TRPM6: variants seen among roughly 807,000 people sequenced by gnomAD.
TRPM6 encodes the protein channel kinase 2.
Under a neutral mutation model 247.6 loss-of-function variants are expected in TRPM6, and 111 were observed. That is an observed-to-expected ratio of 0.45 (90% CI 0.38 to 0.52). The LOEUF (loss-of-function observed/expected upper bound fraction) is 0.52, where lower values mean the gene tolerates loss of function less well. Among genes scored for constraint, TRPM6 ranks in the 20% least tolerant of loss-of-function variants. The pLI is 0.00. For missense variants in TRPM6, 2,126 were observed against 2,421.5 expected, an observed-to-expected ratio of 0.88 and a Z score of 2.56; for synonymous variants, 892 against 853.8, an observed-to-expected ratio of 1.04 and a Z score of -0.78.
intron 7 of TRPM6, among the ~76,000 whole-genome samples, chr9:74,825,072 C>CA (rs1442774868): frequency 6.6e-6 from 1 of 152,058 alleles, no homozygotes; most frequent in East Asian, 1.9e-4. Context: ...CCAGCCTGGC[C>CA]AACATGGTAA....
At position 74,776,096 on chromosome 9, in the gene TRPM6, A is replaced by G. The variant is rs770755729; in HGVS notation, c.3210-20T>C. ...ACGTTGCTGTAAGATGAAGTAAGAG[A>G]GGGACAATGTTTTAATATGAAGTCT... is the stretch of plus-strand genomic sequence containing the variant. On this transcript the variant is annotated intron_variant, in intron 23 of 38. Transcript: ENST00000360774. 3.0e-5 allele frequency: 48 copies of G among 1,596,130 alleles called. No individual in the cohort carries two copies. Among genetic ancestry groups the G allele is most frequent in the Non-Finnish European group, 3.9e-5 (45 of 1,163,932 alleles).
intron 37 of TRPM6, among the ~76,000 whole-genome samples, chr9:74,731,596 G>C (rs990858444): frequency 6.6e-6 from 1 of 151,336 alleles, no homozygotes; most frequent in Non-Finnish European, 1.5e-5. Flanking sequence ...AAATCACTCA[G>C]TAAAATAACA....
At chr9:74,852,789 A>G (rs1369620107) in intron 3 of TRPM6, among the ~76,000 whole-genome samples, 2 of 152,148 alleles carry the variant, frequency 1.3e-5, no homozygotes, top group Non-Finnish European at 2.9e-5. Flanking sequence ...TCGCTCACTC[A>G]GTGCTCAATG....
chr9:74,832,047 T>C (rs1829566043), intron 6 of TRPM6, among the ~76,000 whole-genome samples: 1 of 152,172 alleles, frequency 6.6e-6, no homozygotes, highest in African/African-American at 2.4e-5. Flanking sequence ...GAGACCCCCA[T>C]ATATTACAAG....
At position 74,762,005 on chromosome 9, in the gene TRPM6, T is replaced by C. The variant is rs1049300106; in HGVS notation, c.4666A>G (p.Ile1556Val). ...KEEKLMKICK[I>V]KNLSGSSEIG... ...TTAAATGTTTATTCCTTACTTTTAATCTTACAGATCTTCATCAATTTCTCC... is the reference window on the plus strand; with the variant it reads ...TTAAATGTTTATTCCTTACTTTTAACCTTACAGATCTTCATCAATTTCTCC... The change falls in exon 26 of 39, where the codon ATT (isoleucine) becomes GTT (valine). Residue 1556 changes from isoleucine (I) to valine (V), a missense_variant. By Grantham distance (29) the Ile-to-Val change is conservative. Coordinates refer to ENST00000360774, the MANE Select transcript of TRPM6 (RefSeq NM_017662.5). The C allele has an allele frequency of 6.2e-7, 1 of 1,613,878 alleles. No homozygotes were observed. Among genetic ancestry groups the C allele is most frequent in the African/African-American group, 1.3e-5 (1 of 75,054 alleles).
At chr9:74,796,662 ATAAG>A (rs1459218541) in intron 18 of TRPM6, 75 bp downstream of exon 18, 12 of 1,458,314 alleles carry the variant, frequency 8.2e-6, no homozygotes, top group Non-Finnish European at 1.1e-5. Context: ...AGATGGCTAT[ATAAG>A]TAAACTTTAA....
intron 38 of TRPM6, 75 bp downstream of exon 38, chr9:74,728,164 A>G (rs1825396028): frequency 1.8e-6 from 2 of 1,138,520 alleles, no homozygotes; most frequent in African/African-American, 1.5e-5. Context: ...ACGATTTTCT[A>G]CTTTATCCCA....
chr9:74,774,072 C>T (rs1191390619), intron 24 of TRPM6, among the ~76,000 whole-genome samples: 5 of 152,140 alleles, frequency 3.3e-5, no homozygotes, highest in Admixed American at 6.5e-5. Flanking sequence ...TGTAATTGTC[C>T]GCAAGGTGGC....
chr9:74,855,516 C>G lies in TRPM6; in HGVS notation c.152+11G>C. The G allele has an allele frequency of 6.3e-7, 1 of 1,597,808 alleles. No individual in the cohort carries two copies. Among genetic ancestry groups the G allele is most frequent in the Non-Finnish European group, 8.6e-7 (1 of 1,165,390 alleles). ...AAAAGCTAAAAGGAATCTTGCTTAT[C>G]TAAGTCTTACCTGATTAAATTCTGG... On this transcript the variant is annotated intron_variant, in intron 3 of 38. Transcript: ENST00000360774.
At chr9:74,818,986 G>C (rs1829050283) in intron 9 of TRPM6, among the ~76,000 whole-genome samples, 1 of 152,026 alleles carries the variant, frequency 6.6e-6, no homozygotes, top group Admixed American at 6.6e-5. Context: ...GTAATTGTCA[G>C]CTTCATATCA....
intron 1 of TRPM6, among the ~76,000 whole-genome samples, chr9:74,884,517 A>ATACC (rs1468060405): frequency 6.6e-6 from 1 of 151,794 alleles, no homozygotes; most frequent in Non-Finnish European, 1.5e-5. Context: ...ACATACATAC[A>ATACC]TACATACATA....
chr9:74,781,529 T>A, intron 23 of TRPM6, among the ~76,000 whole-genome samples: 1 of 71,944 alleles, frequency 1.4e-5, no homozygotes, highest in East Asian at 3.4e-4. Context: ...AGAGCAAGAC[T>A]CTATCTCAAA....
At chr9:74,864,001 T>C (rs1204226846) in intron 1 of TRPM6, among the ~76,000 whole-genome samples, 3 of 152,114 alleles carry the variant, frequency 2.0e-5, no homozygotes, top group Admixed American at 6.6e-5. Context: ...AAAAAAAATC[T>C]ATCATCTAAC....
At chr9:74,881,054 G>C (rs1831346891) in intron 1 of TRPM6, among the ~76,000 whole-genome samples, 1 of 152,066 alleles carries the variant, frequency 6.6e-6, no homozygotes, top group African/African-American at 2.4e-5. Flanking sequence ...TAGCACTTTG[G>C]GAGGCCCAAA....
At chr9:74,834,203 A>C in intron 5 of TRPM6, 81 bp from the exon 6 acceptor site, 4 of 1,545,752 alleles carry the variant, frequency 2.6e-6, no homozygotes, top group Non-Finnish European at 3.6e-6. Flanking sequence ...AGACAAATAA[A>C]TAGGCAAGCA....
intron 27 of TRPM6, among the ~76,000 whole-genome samples, chr9:74,759,012 G>A (rs1021342305): frequency 6.6e-6 from 1 of 152,080 alleles, no homozygotes; most frequent in Non-Finnish European, 1.5e-5. Context: ...ACTAATGGCA[G>A]TTATAATAAA....
intron 5 of TRPM6, among the ~76,000 whole-genome samples, chr9:74,838,804 G>A (rs1349944751): frequency 1.3e-5 from 2 of 152,070 alleles, no homozygotes; most frequent in Non-Finnish European, 2.9e-5. Context: ...GAAAAGTAAA[G>A]GGAAGATAGA....
At chr9:74,818,492 A>G (rs1189445221) in intron 9 of TRPM6, among the ~76,000 whole-genome samples, 7 of 151,806 alleles carry the variant, frequency 4.6e-5, no homozygotes, top group African/African-American at 1.7e-4. Context: ...TGGTAGAGAC[A>G]GGGTTTCACC....
At chr9:74,792,243 A>T (rs17060481) in intron 19 of TRPM6, among the ~76,000 whole-genome samples, 41,537 of 152,132 alleles carry the variant, frequency 0.27, 5,842 homozygotes, top group African/African-American at 0.32. Flanking sequence ...GAGAGTTTTA[A>T]CCACAGTCAC....
Sources: allele counts gnomAD v4.1 joint callset (sites outside exome capture counted in the v4.1 genomes callset), GRCh38; gene constraint gnomAD v4.1.1; transcripts MANE v1.5; gene names NCBI Gene and HGNC (gene_info 2026-07-23, HGNC 2026-07-21).